ACBD6: variants seen among roughly 807,000 people sequenced by gnomAD.
The protein encoded by ACBD6 is acyl-CoA-binding domain-containing protein 6.
A neutral mutation model predicts 37.2 loss-of-function variants in ACBD6; 28 were observed. The observed-to-expected ratio is 0.75, with a 90% CI of 0.56 to 1.03. The LOEUF is 1.03. Among genes scored for constraint, ACBD6 ranks in the 50% least tolerant of loss-of-function variants. The pLI is 0.00. For synonymous variants in ACBD6, 113 were observed against 126.8 expected (o/e 0.89, Z 0.73); for missense variants, 340 against 337.4 (o/e 1.01, Z -0.06).
chr1:180,448,098 A>G (rs1649545644), intron 3 of ACBD6, among the ~76,000 whole-genome samples: 1 of 152,210 alleles, frequency 6.6e-6, no homozygotes, highest in African/African-American at 2.4e-5. Context: ...AACTAGCTAC[A>G]TTAGAATAAA....
chr1:180,496,153 C>G (rs1651732173), intron 1 of ACBD6, among the ~76,000 whole-genome samples: 1 of 152,030 alleles, frequency 6.6e-6, no homozygotes, highest in South Asian at 2.1e-4. Flanking sequence ...TAATTTTAAT[C>G]CTCAACCGAC....
At chr1:180,457,219 A>G (rs1440211796) in intron 3 of ACBD6, among the ~76,000 whole-genome samples, 1 of 152,118 alleles carries the variant, frequency 6.6e-6, no homozygotes, top group African/African-American at 2.4e-5. Flanking sequence ...TCAGGCAGTA[A>G]AACCTGAACC....
At chr1:180,404,496 C>G (rs184222466) in intron 5 of ACBD6, among the ~76,000 whole-genome samples, 1 of 152,020 alleles carries the variant, frequency 6.6e-6, no homozygotes, top group African/African-American at 2.4e-5. Context: ...CTCACTTTGT[C>G]GCCCAGGCTG....
chr1:180,434,946 A>C (rs1557869248), intron 3 of ACBD6: 1 of 793,718 alleles, frequency 1.3e-6, no homozygotes, highest in African/African-American at 1.7e-5. Flanking sequence ...TGAGACCACC[A>C]AAGTCATGGG....
At chr1:180,343,038 T>C (rs966820048) in intron 6 of ACBD6, among the ~76,000 whole-genome samples, 1 of 152,092 alleles carries the variant, frequency 6.6e-6, no homozygotes, top group Non-Finnish European at 1.5e-5. Context: ...GAAGTTGTTA[T>C]AAACAGCAGC....
intron 6 of ACBD6, among the ~76,000 whole-genome samples, chr1:180,338,453 G>A (rs2309479): frequency 6.6e-6 from 1 of 152,156 alleles, no homozygotes; most frequent in Non-Finnish European, 1.5e-5. Context: ...AATAAATGGT[G>A]CTGGGAAAAC....
intron 3 of ACBD6, among the ~76,000 whole-genome samples, chr1:180,492,023 C>T (rs746488811): frequency 6.6e-6 from 1 of 152,006 alleles, no homozygotes; most frequent in African/African-American, 2.4e-5. Flanking sequence ...CTGGCCAGGC[C>T]GGTCTTGAAC....
chr1:180,414,885 A>G lies in ACBD6; in HGVS notation c.468-1414T>C, dbSNP rs937238764. On this transcript the variant is annotated intron_variant, in intron 4 of 7. Coordinates refer to ENST00000367595, the MANE Select transcript of ACBD6 (RefSeq NM_032360.4). The stretch of plus-strand genomic sequence containing the variant: ...AATAAGAAGTGAGGTCAAACCCCAG[A>G]AAAGAGAATTCTGATTTTAGAAAGT... Among the ~76,000 whole-genome samples, 8 of 152,212 alleles carry G rather than the reference A, an allele frequency of 5.3e-5. No homozygotes were observed. In the East Asian group the frequency reaches 1.3e-3, roughly 26 times the overall value.
chr1:180,330,705 T>C (rs182259968), intron 6 of ACBD6, among the ~76,000 whole-genome samples: 224 of 152,314 alleles, frequency 1.5e-3, no homozygotes, highest in Admixed American at 2.4e-3. Context: ...TACACAGATG[T>C]TCTTAAGAGC....
chr1:180,455,494 CAT>C (rs1649880403), intron 3 of ACBD6, among the ~76,000 whole-genome samples: 1 of 152,018 alleles, frequency 6.6e-6, no homozygotes, highest in South Asian at 2.1e-4. Flanking sequence ...ACGTTCTGCA[CAT>C]GTATCCCAGA....
chr1:180,332,595 C>T (rs764948936), intron 6 of ACBD6, among the ~76,000 whole-genome samples: 2 of 151,534 alleles, frequency 1.3e-5, no homozygotes, highest in African/African-American at 4.8e-5. Flanking sequence ...GCCTGATGAT[C>T]TGACAGTGCC....
chr1:180,494,879 C>T (rs932015393), intron 2 of ACBD6, among the ~76,000 whole-genome samples: 2 of 152,078 alleles, frequency 1.3e-5, no homozygotes, highest in Non-Finnish European at 2.9e-5. Context: ...AAAAAGTTTG[C>T]AAAAGTATAC....
At chr1:180,423,503 A>T (rs1648457488) in intron 4 of ACBD6, among the ~76,000 whole-genome samples, 1 of 152,210 alleles carries the variant, frequency 6.6e-6, no homozygotes, top group African/African-American at 2.4e-5. Flanking sequence ...CTTCAAATTG[A>T]AACTTCCATT....
At chr1:180,361,506 T>C (rs1313963356) in intron 6 of ACBD6, among the ~76,000 whole-genome samples, 1 of 152,156 alleles carries the variant, frequency 6.6e-6, no homozygotes, top group Non-Finnish European at 1.5e-5. Context: ...TAAAATGTAT[T>C]AAAAGTAATG....
At chr1:180,279,626 C>T (rs554763718) in intron 9 of ACBD6, among the ~76,000 whole-genome samples, 50 of 152,258 alleles carry the variant, frequency 3.3e-4, no homozygotes, top group African/African-American at 1.1e-3. Context: ...AAGTCCTTCA[C>T]ACTCATACAT....
At chr1:180,487,168 G>T (rs928357180) in intron 3 of ACBD6, among the ~76,000 whole-genome samples, 9 of 152,108 alleles carry the variant, frequency 5.9e-5, no homozygotes, top group Admixed American at 4.6e-4. Context: ...TCATTATAAT[G>T]ATAAATTTGA....
rs1650670812 is a variant in ACBD6 at position 180,313,465 on chromosome 1, A to G, written c.694+1227T>C. Among the ~76,000 whole-genome samples, 7 of 152,314 alleles carry G rather than the reference A, an allele frequency of 4.6e-5. No homozygotes were observed. The South Asian group carries it at 1.0e-3, about 23-fold the overall frequency. ...TGTTTCCGCCAAGCATCCCAGAAAC[A>G]CTATCAGCTTGAAATACCTTAGTTG... is the stretch of plus-strand genomic sequence containing the variant. On this transcript the variant is annotated intron_variant, in intron 7 of 7. Coordinates refer to ENST00000367595, the MANE Select transcript of ACBD6 (RefSeq NM_032360.4).
At chr1:180,439,693 C>G (rs1649203413) in intron 3 of ACBD6, among the ~76,000 whole-genome samples, 2 of 152,092 alleles carry the variant, frequency 1.3e-5, no homozygotes, top group Non-Finnish European at 2.9e-5. Flanking sequence ...AGTTTATGGC[C>G]CAAGCATCTT....
intron 4 of ACBD6, among the ~76,000 whole-genome samples, chr1:180,427,697 G>A (rs1241055461): frequency 6.6e-6 from 1 of 152,166 alleles, no homozygotes; most frequent in Non-Finnish European, 1.5e-5. Flanking sequence ...GCCAAGGCAG[G>A]TGGATCACGA....
Sources: gnomAD v4.1 joint callset for allele counts (sites outside exome capture counted in the v4.1 genomes callset) on GRCh38, gnomAD v4.1.1 for gene constraint, MANE v1.5 for transcripts, NCBI Gene and HGNC (gene_info 2026-07-23, HGNC 2026-07-21) for gene names.